Variants in UNC13C observed in about 807,000 individuals in gnomAD.
UNC13C encodes the protein unc-13 homolog C, also known as protein unc-13 homolog C.
UNC13C carries 174 observed loss-of-function variants against 245.4 expected under a neutral mutation model. The observed-to-expected ratio is 0.71, with a 90% CI of 0.63 to 0.80. The LOEUF (loss-of-function observed/expected upper bound fraction) is 0.80, where lower values mean the gene tolerates loss of function less well. Ranked by LOEUF, UNC13C falls within the 30% of genes least tolerant of loss-of-function variation. The probability of loss-of-function intolerance (pLI) is 0.00; values close to 1 mark genes in which losing one functional copy is unlikely to be tolerated. For synonymous variants in UNC13C, 992 were observed against 895.1 expected, an observed-to-expected ratio of 1.11 and a Z score of -1.93; for missense variants, 2,829 against 2,602.9, an observed-to-expected ratio of 1.09 and a Z score of -1.89.
chr15:53,994,669 T>A (rs150075581), intron 1 of UNC13C, among the ~76,000 whole-genome samples: 29 of 152,262 alleles, frequency 1.9e-4, no homozygotes, highest in Admixed American at 1.8e-3. Context: ...ATTTAGAGTT[T>A]TGCACAATTA....
chr15:54,398,207 G>T (rs1016983919), intron 18 of UNC13C, among the ~76,000 whole-genome samples: 1 of 151,292 alleles, frequency 6.6e-6, no homozygotes, highest in African/African-American at 2.4e-5. Flanking sequence ...TCATAATAGG[G>T]TAATCACATA....
chr15:54,231,491 A>G (rs894143873), intron 4 of UNC13C, among the ~76,000 whole-genome samples: 2 of 111,002 alleles, frequency 1.8e-5, no homozygotes, highest in African/African-American at 8.8e-5. Context: ...ATGATTTTGA[A>G]GGATTCTGTC....
the UNC13C span, among the ~76,000 whole-genome samples, chr15:53,952,089 T>C: frequency 0.03 from 4,538 of 152,258 alleles, 83 homozygotes; most frequent in Middle Eastern, 0.082. Flanking sequence ...CATGTAGTCA[T>C]GAGCTGAGGT....
chr15:54,420,301 C>A (rs1420914084), intron 19 of UNC13C, among the ~76,000 whole-genome samples: 1 of 152,038 alleles, frequency 6.6e-6, no homozygotes, highest in Non-Finnish European at 1.5e-5. Context: ...GGGCTGTCAG[C>A]AGGAGACCTC....
At chr15:54,033,532 A>G (rs1896452723) in intron 2 of UNC13C, among the ~76,000 whole-genome samples, 1 of 152,138 alleles carries the variant, frequency 6.6e-6, no homozygotes, top group African/African-American at 2.4e-5. Context: ...TTATATACAC[A>G]CATTCCGTGA....
In UNC13C at chr15:54,196,242, T is replaced by C. The variant is rs537637966; in HGVS notation, c.3072-38788T>C. 2.6e-5 allele frequency among the ~76,000 whole-genome samples: 4 copies of C among 151,616 alleles called. No individual in the cohort carries two copies. In the South Asian group the frequency reaches 8.3e-4, roughly 32 times the overall value. ...TTACAGGTCAAGCAACTAGTGAAAG[T>C]GGAAATGCAGAGAGACAAGCAAACA... On this transcript the variant is annotated intron_variant, in intron 4 of 32. Transcript: ENST00000260323.
chr15:54,237,682 G>A lies in UNC13C; in HGVS notation c.3220G>A (p.Glu1074Lys), dbSNP rs1437258384. 1.2e-6 allele frequency: 2 copies of A among 1,610,066 alleles called. No individual in the cohort carries two copies. The highest frequency in any genetic ancestry group is 1.7e-6 in the Non-Finnish European group (2 of 1,178,084). Reference protein sequence around the residue: ...AMVIRTSLNNEELKMHVFKKT... With the variant: ...AMVIRTSLNNKELKMHVFKKT... The stretch of plus-strand genomic sequence containing the variant: ...GGTGATTAGGACATCCCTAAATAAT[G>A]AGGAACTGGTAAGTACTAGATATTG... Residue 1074 changes from glutamate (E) to lysine (K), a missense_variant, in exon 7 of 33, where the codon GAG (glutamate) becomes AAG (lysine). Coordinates refer to ENST00000260323, the MANE Select transcript of UNC13C (RefSeq NM_001080534.3).
At chr15:53,939,188 C>T in the UNC13C span, among the ~76,000 whole-genome samples, 3 of 152,200 alleles carry the variant, frequency 2.0e-5, no homozygotes, top group East Asian at 5.8e-4. Flanking sequence ...TACACACAAC[C>T]ATCAGAGAAC....
rs1348151300 is a variant in UNC13C, at chr15:53,978,534, G to T, written c.-650G>T. 6.6e-6 allele frequency among the ~76,000 whole-genome samples: 1 copy of T among 152,174 alleles called. No homozygotes were observed. The highest frequency in any genetic ancestry group is 1.5e-5 in the Non-Finnish European group (1 of 68,026). The stretch of plus-strand genomic sequence containing the variant: ...CCCTCAAATGTTGATGAGCCTGGGC[G>T]CTCCTCAACACACGGGAGAGATCCC... On this transcript the variant is annotated 5_prime_UTR_variant, in exon 1 of 33. Transcript: ENST00000260323.
intron 13 of UNC13C, among the ~76,000 whole-genome samples, chr15:54,302,210 A>G (rs2037603729): frequency 6.6e-6 from 1 of 152,126 alleles, no homozygotes; most frequent in Non-Finnish European, 1.5e-5. Context: ...AAATGGATAG[A>G]TTGCAAAAAT....
chr15:54,309,604 C>G (rs2037815550), intron 13 of UNC13C, among the ~76,000 whole-genome samples: 1 of 151,762 alleles, frequency 6.6e-6, no homozygotes, highest in Admixed American at 6.6e-5. Flanking sequence ...AGTTTTTCCT[C>G]TATGTTTTCT....
intron 2 of UNC13C, among the ~76,000 whole-genome samples, chr15:54,073,216 C>CT (rs1264163968): frequency 1.3e-5 from 2 of 152,188 alleles, no homozygotes; most frequent in African/African-American, 2.4e-5. Flanking sequence ...TGAACCCATC[C>CT]TTTTTTATGT....
At chr15:54,003,067 T>G (rs768155971) in intron 1 of UNC13C, among the ~76,000 whole-genome samples, 1 of 152,172 alleles carries the variant, frequency 6.6e-6, no homozygotes, top group Non-Finnish European at 1.5e-5. Flanking sequence ...TCAACGACTC[T>G]GTAGAGGGTT....
intron 30 of UNC13C, among the ~76,000 whole-genome samples, chr15:54,568,795 A>T (rs1897624367): frequency 6.6e-6 from 1 of 152,174 alleles, no homozygotes; most frequent in African/African-American, 2.4e-5. Context: ...CTGTGATGAA[A>T]ATACCCTGGA....
chr15:54,345,277 T>C (rs2038834380), intron 17 of UNC13C, among the ~76,000 whole-genome samples: 2 of 152,242 alleles, frequency 1.3e-5, no homozygotes, highest in Non-Finnish European at 2.9e-5. Context: ...AAACTGATTT[T>C]TCTCCAGTAA....
the UNC13C span, among the ~76,000 whole-genome samples, chr15:53,890,930 T>C: frequency 3.3e-5 from 5 of 152,182 alleles, no homozygotes. Flanking sequence ...TGCTGTTGCT[T>C]TCCTAGTTCT....
At chr15:54,468,665 T>G (rs1218630697) in intron 19 of UNC13C, among the ~76,000 whole-genome samples, 1 of 151,772 alleles carries the variant, frequency 6.6e-6, no homozygotes, top group Non-Finnish European at 1.5e-5. Flanking sequence ...CTTTTGCATG[T>G]GGCTATCCAG....
the UNC13C span, among the ~76,000 whole-genome samples, chr15:53,859,921 C>G: frequency 3.6e-4 from 55 of 152,232 alleles, no homozygotes; most frequent in African/African-American, 1.2e-3. Context: ...TTCTCTGGTT[C>G]TTTAGGGTGA....
chr15:54,057,869 C>A (rs1322613496), intron 2 of UNC13C, among the ~76,000 whole-genome samples: 1 of 152,122 alleles, frequency 6.6e-6, no homozygotes, highest in Non-Finnish European at 1.5e-5. Context: ...CTACTGGGTA[C>A]ATAACGAAAC....
Sources: allele counts gnomAD v4.1 joint callset (sites outside exome capture counted in the v4.1 genomes callset), GRCh38; gene constraint gnomAD v4.1.1; transcripts MANE v1.5; gene names NCBI Gene and HGNC (gene_info 2026-07-23, HGNC 2026-07-21).